The following SLC24A2 variants were observed in gnomAD, a reference collection of about 807,000 sequenced individuals.
SLC24A2 encodes the protein sodium/potassium/calcium exchanger 2.
SLC24A2 carries 36 observed loss-of-function variants against 62.0 expected under a neutral mutation model. That is an observed-to-expected ratio of 0.58 (90% CI 0.44 to 0.77). The LOEUF (loss-of-function observed/expected upper bound fraction) is 0.77. Ranked by LOEUF, SLC24A2 falls within the 30% of genes least tolerant of loss-of-function variation. The pLI, the probability that SLC24A2 is intolerant of heterozygous loss-of-function variation, is 0.00. For missense variants in SLC24A2, 846 were observed against 817.9 expected (o/e 1.03, Z -0.42); for synonymous variants, 358 against 294.0 (o/e 1.22, Z -2.23).
the SLC24A2 span, among the ~76,000 whole-genome samples, chr9:20,084,377 G>A: frequency 6.6e-6 from 1 of 152,102 alleles, no homozygotes; most frequent in Admixed American, 6.5e-5. Flanking sequence ...GTCAGCTTGG[G>A]AGGCTGAAAT....
intron 2 of SLC24A2, among the ~76,000 whole-genome samples, chr9:19,750,666 A>G (rs1198179930): frequency 6.6e-6 from 1 of 152,078 alleles, no homozygotes; most frequent in East Asian, 1.9e-4. Flanking sequence ...CTCTATTTCT[A>G]AAGTACCTCA....
chr9:20,282,421 T>A, the SLC24A2 span, among the ~76,000 whole-genome samples: 1 of 152,220 alleles, frequency 6.6e-6, no homozygotes, highest in Non-Finnish European at 1.5e-5. Flanking sequence ...ATGTGTCAAG[T>A]GCATTTTACA....
intron 7 of SLC24A2, among the ~76,000 whole-genome samples, chr9:19,568,116 T>C (rs1023988125): frequency 1.3e-5 from 2 of 152,172 alleles, no homozygotes; most frequent in Non-Finnish European, 2.9e-5. Flanking sequence ...CGGAACTTGC[T>C]AAAAATACAA....
At chr9:19,959,967 C>A in the SLC24A2 span, among the ~76,000 whole-genome samples, 1 of 152,168 alleles carries the variant, frequency 6.6e-6, no homozygotes, top group Non-Finnish European at 1.5e-5. Flanking sequence ...ATATGCTTTT[C>A]TTTAATAATT....
chr9:20,099,046 C>A, the SLC24A2 span, among the ~76,000 whole-genome samples: 1 of 152,090 alleles, frequency 6.6e-6, no homozygotes, highest in Admixed American at 6.5e-5. Flanking sequence ...CCTCCACTGC[C>A]AACAGAACAA....
the SLC24A2 span, among the ~76,000 whole-genome samples, chr9:20,277,698 A>G: frequency 2.0e-5 from 3 of 152,182 alleles, no homozygotes; most frequent in African/African-American, 7.2e-5. Flanking sequence ...AGGGATCTAG[A>G]ACTAGAAATA....
chr9:20,016,993 T>C, the SLC24A2 span, among the ~76,000 whole-genome samples: 7 of 152,228 alleles, frequency 4.6e-5, no homozygotes. Context: ...GCATAGTTGC[T>C]AAATAAAAAT....
chr9:20,223,645 C>G, the SLC24A2 span, among the ~76,000 whole-genome samples: 1 of 151,988 alleles, frequency 6.6e-6, no homozygotes, highest in Non-Finnish European at 1.5e-5. Flanking sequence ...CATCAATGGA[C>G]TAGGATAGAA....
the SLC24A2 span, among the ~76,000 whole-genome samples, chr9:20,034,852 G>GA: frequency 6.6e-6 from 1 of 151,904 alleles, no homozygotes; most frequent in South Asian, 2.1e-4. Context: ...TGTTCAATAG[G>GA]AAAAAAAGAT....
intron 2 of SLC24A2, among the ~76,000 whole-genome samples, chr9:19,719,212 A>G (rs1462376374): frequency 6.6e-6 from 1 of 152,198 alleles, no homozygotes; most frequent in East Asian, 1.9e-4. Flanking sequence ...CTTGGTTACT[A>G]GCATTGAGCT....
At chr9:19,523,698 G>C (rs1833302243) in intron 9 of SLC24A2, among the ~76,000 whole-genome samples, 1 of 152,100 alleles carries the variant, frequency 6.6e-6, no homozygotes, top group Non-Finnish European at 1.5e-5. Context: ...CCTGACCTCA[G>C]GTAATCCGCC....
At chr9:20,083,698 GA>G in the SLC24A2 span, among the ~76,000 whole-genome samples, 4 of 152,118 alleles carry the variant, frequency 2.6e-5, no homozygotes. Context: ...AGTGGCCAGA[GA>G]AAAAAATAAA....
At chr9:19,665,783 T>TTG (rs965844741) in intron 2 of SLC24A2, among the ~76,000 whole-genome samples, 2 of 151,698 alleles carry the variant, frequency 1.3e-5, no homozygotes, top group Non-Finnish European at 2.9e-5. Flanking sequence ...CCTGGTTAAT[T>TTG]TGTGTGTGTG....
the SLC24A2 span, among the ~76,000 whole-genome samples, chr9:19,802,352 G>T: frequency 1.3e-5 from 2 of 152,108 alleles, no homozygotes; most frequent in Admixed American, 1.3e-4. Flanking sequence ...TGTAAATCTT[G>T]TGTAAGTGTA....
At chr9:20,013,758 A>G in the SLC24A2 span, among the ~76,000 whole-genome samples, 2 of 152,216 alleles carry the variant, frequency 1.3e-5, no homozygotes, top group African/African-American at 4.8e-5. Context: ...TGATTGAAAA[A>G]TGGGCAAAGG....
the SLC24A2 span, among the ~76,000 whole-genome samples, chr9:19,794,148 T>C: frequency 3.2e-4 from 48 of 152,314 alleles, no homozygotes; most frequent in South Asian, 8.3e-3. Flanking sequence ...CCCTACATGA[T>C]TGCTCTTTCT....
Position 19,632,018 on chromosome 9 carries a change from T to C in SLC24A2, c.931-9719A>G, listed in dbSNP as rs1382402450. Among the ~76,000 whole-genome samples the C allele has an allele frequency of 6.6e-6, 1 of 152,158 alleles. No homozygotes were observed. Among genetic ancestry groups the C allele is most frequent in the Non-Finnish European group, 1.5e-5 (1 of 68,032 alleles). On this transcript the variant is annotated intron_variant, in intron 2 of 10. Coordinates refer to ENST00000341998, the MANE Select transcript of SLC24A2 (RefSeq NM_020344.4). The surrounding 1 kb of genome is among the most constrained non-coding windows in gnomAD (Gnocchi z 4.5). ...ACATGGCAGTAAGAAACCGTTCCAC[T>C]GGGTGTTGACCATGATACACCTGGC...
At chr9:19,747,418 T>C (rs1034975749) in intron 2 of SLC24A2, among the ~76,000 whole-genome samples, 11 of 152,190 alleles carry the variant, frequency 7.2e-5, no homozygotes, top group Non-Finnish European at 1.5e-4. Context: ...ATTATGCAAG[T>C]CCTTATACAT....
At chr9:19,912,080 A>T in the SLC24A2 span, among the ~76,000 whole-genome samples, 5 of 152,256 alleles carry the variant, frequency 3.3e-5, no homozygotes, top group East Asian at 7.7e-4. Context: ...GATAATGAGA[A>T]TTCTTGACAA....
Sources: gnomAD v4.1 joint callset for allele counts (sites outside exome capture counted in the v4.1 genomes callset) on GRCh38, gnomAD v4.1.1 for gene constraint, Gnocchi (gnomAD v3.1) non-coding constraint, MANE v1.5 for transcripts, NCBI Gene and HGNC (gene_info 2026-07-23, HGNC 2026-07-21) for gene names.